Variants in CHCHD5 observed in about 807,000 individuals in gnomAD.
CHCHD5 encodes the protein coiled-coil-helix-coiled-coil-helix domain containing 5, also known as coiled-coil-helix-coiled-coil-helix domain-containing protein 5.
Under a neutral mutation model 16.0 loss-of-function variants are expected in CHCHD5, and 10 were observed. The observed-to-expected ratio is 0.63, with a 90% CI of 0.39 to 1.06. CHCHD5 has a LOEUF of 1.06. CHCHD5 is among the 50% of genes least tolerant of loss of function. CHCHD5 has a pLI of 0.01. For missense variants in CHCHD5, 163 were observed against 153.4 expected, an observed-to-expected ratio of 1.06 and a Z score of -0.33; for synonymous variants, 55 against 56.3, an observed-to-expected ratio of 0.98 and a Z score of 0.10.
chr2:112,585,585 T>C (rs1685185385), intron 1 of CHCHD5, among the ~76,000 whole-genome samples: 3 of 152,194 alleles, frequency 2.0e-5, no homozygotes, highest in African/African-American at 4.8e-5. Context: ...CTCCTAGTCC[T>C]ACTTCAGACC....
Position 112,584,879 on chromosome 2 carries a change from C to T in CHCHD5, c.2+230C>T, listed in dbSNP as rs947917441. On this transcript the variant is annotated intron_variant, in intron 1 of 3. Transcript: ENST00000324913. ...CTCTCGCGCTGCTTAGGACTTCGGT[C>T]CAGTCACTCTTCACCCAATCTCTGC... The T allele has an allele frequency of 1.7e-5, 10 of 588,646 alleles. 1 individual carries two copies. In the South Asian group the frequency reaches 2.1e-4, roughly 12 times the overall value. 36.5% of individuals were successfully genotyped at this position (588,646 alleles called of 1,614,324 possible).
At position 112,584,832 on chromosome 2, in the gene CHCHD5, C is replaced by T. The variant is rs1685157002; in HGVS notation, c.2+183C>T. The T allele has an allele frequency of 1.9e-5, 13 of 692,836 alleles. 1 individual carries two copies. In the South Asian group the frequency reaches 2.3e-4, roughly 12 times the overall value. 42.9% of individuals were successfully genotyped at this position (692,836 alleles called of 1,614,324 possible). On this transcript the variant is annotated intron_variant, in intron 1 of 3. Transcript: ENST00000324913. ...CCTCCGCATGCCCAAGCCCCGCCCT[C>T]TAAGCGTTTAGGCCTCGCCCCCTCT...
At chr2:112,584,535 G>T, upstream of CHCHD5, 1 of 1,375,954 alleles carries the variant, frequency 7.3e-7, no homozygotes, top group Non-Finnish European at 1.0e-6. Context: ...GGGGTTGTTA[G>T]TTCAATTGGC....
chr2:112,586,237 C>T lies in CHCHD5; in HGVS notation c.181C>T (p.Pro61Ser). 9 of 1,613,490 alleles carry T rather than the reference C, an allele frequency of 5.6e-6. No individual in the cohort carries two copies. The highest frequency in any genetic ancestry group is 6.8e-6 in the Non-Finnish European group (8 of 1,179,400). The change falls in exon 3 of 4, where the codon CCT becomes TCT. Residue 61 changes from proline to serine, a missense_variant. By Grantham distance (74) the Pro-to-Ser change is moderately conservative. Coordinates refer to ENST00000324913, the MANE Select transcript of CHCHD5 (RefSeq NM_032309.4). ...CCAGATCCGCCAGGCCTGTGCTCAG[C>T]CTTTTGAGGCCTTCGAGGAGTGTCT... ...IRQIRQACAQ[P>S]FEAFEECLRQ...
chr2:112,584,660 A>T lies in CHCHD5; in HGVS notation c.2+11A>T. On this transcript the variant is annotated intron_variant, in intron 1 of 3. Transcript: ENST00000324913. ...CAAAGGTCTCGAGATGTGAGTAGTGAGAGCGCCTACCCCATACGTGCTGCC... is the reference window on the plus strand; with the variant it reads ...CAAAGGTCTCGAGATGTGAGTAGTGTGAGCGCCTACCCCATACGTGCTGCC... The T allele has an allele frequency of 1.2e-6, 2 of 1,613,852 alleles. No individual in the cohort carries two copies. Among genetic ancestry groups the T allele is most frequent in the Non-Finnish European group, 1.7e-6 (2 of 1,179,888 alleles).
chr2:112,586,967 C>T (rs1330906614), intron 3 of CHCHD5: 2 of 171,104 alleles, frequency 1.2e-5, no homozygotes, highest in Admixed American at 1.1e-4. Flanking sequence ...AAAATGACTC[C>T]TTGAGGAGAG....
intron 1 of CHCHD5, 169 bp downstream of exon 1, chr2:112,584,818 C>T (rs1366587638): frequency 2.7e-6 from 2 of 744,996 alleles, no homozygotes; most frequent in Non-Finnish European, 4.5e-6. Flanking sequence ...CTCCGCATGC[C>T]CAAGCCCCGC....
Position 112,584,667 on chromosome 2 carries a change from C to T in CHCHD5, c.2+18C>T. ...CTCGAGATGTGAGTAGTGAGAGCGC[C>T]TACCCCATACGTGCTGCCGCTCCCC... is the stretch of plus-strand genomic sequence containing the variant. On this transcript the variant is annotated intron_variant, in intron 1 of 3. Coordinates refer to ENST00000324913, the MANE Select transcript of CHCHD5 (RefSeq NM_032309.4). 3 of 1,613,952 alleles carry T rather than the reference C, an allele frequency of 1.9e-6. No individual in the cohort carries two copies. Among genetic ancestry groups the T allele is most frequent in the Non-Finnish European group, 2.5e-6 (3 of 1,179,872 alleles).
chr2:112,584,656 A>C lies in CHCHD5; in HGVS notation c.2+7A>C. The C allele has an allele frequency of 6.2e-7, 1 of 1,613,844 alleles. No homozygotes were observed. The highest frequency in any genetic ancestry group is 8.5e-7 in the Non-Finnish European group (1 of 1,179,922). Reference sequence around the variant, plus strand: ...CCGGCAAAGGTCTCGAGATGTGAGTAGTGAGAGCGCCTACCCCATACGTGC... The same window carrying C: ...CCGGCAAAGGTCTCGAGATGTGAGTCGTGAGAGCGCCTACCCCATACGTGC... On this transcript the variant is annotated splice_region_variant and intron_variant, in intron 1 of 3. Coordinates refer to ENST00000324913, the MANE Select transcript of CHCHD5 (RefSeq NM_032309.4).
intron 3 of CHCHD5, 32 bp from the exon 4 acceptor site, chr2:112,588,834 T>C (rs768971304): frequency 6.3e-7 from 1 of 1,588,846 alleles, no homozygotes; most frequent in South Asian, 1.1e-5. Flanking sequence ...ACAGAGGAGG[T>C]GCTACTAGAT....
Position 112,586,045 on chromosome 2 carries a change from C to A in CHCHD5, c.74C>A (p.Ala25Asp). The change falls in exon 2 of 4, where the codon GCC (alanine) becomes GAC (aspartate). Residue 25 changes from alanine (A) to aspartate (D), a missense_variant. Transcript: ENST00000324913. ...ELEQYGQCVAAKPESWQRDCH... is the reference protein window; with the variant it reads ...ELEQYGQCVADKPESWQRDCH... ...GAGCAGTATGGCCAGTGTGTGGCGGCCAAGCCGGAATCCTGGCAGCGGGAC... is the reference window on the plus strand; with the variant it reads ...GAGCAGTATGGCCAGTGTGTGGCGGACAAGCCGGAATCCTGGCAGCGGGAC... 1 of 1,614,242 alleles carries A rather than the reference C, an allele frequency of 6.2e-7. No individual in the cohort carries two copies. Among genetic ancestry groups the A allele is most frequent in the Middle Eastern group, 1.6e-4 (1 of 6,062 alleles).
At position 112,586,274 on chromosome 2, in the gene CHCHD5, A is replaced by G; in HGVS notation, c.218A>G (p.Glu73Gly). 6.2e-7 allele frequency: 1 copy of G among 1,614,210 alleles called. No homozygotes were observed. The highest frequency in any genetic ancestry group is 8.5e-7 in the Non-Finnish European group (1 of 1,180,030). ...TTCGAGGAGTGTCTTCGACAGAACG[A>G]GGCAGCTGTGGGCAACTGTGCAGAG... The part of the protein sequence containing the change: ...EAFEECLRQN[E>G]AAVGNCAEHM... Residue 73 changes from glutamate (E) to glycine (G), a missense_variant, in exon 3 of 4, where the codon GAG becomes GGG. Coordinates refer to ENST00000324913, the MANE Select transcript of CHCHD5 (RefSeq NM_032309.4).
intron 1 of CHCHD5, among the ~76,000 whole-genome samples, chr2:112,585,230 T>G (rs554488976): frequency 7.9e-5 from 12 of 152,242 alleles, no homozygotes; most frequent in African/African-American, 2.6e-4. Context: ...GCTAAGACAC[T>G]CTTCCCCAGG....
chr2:112,585,129 G>T (rs1685169366), intron 1 of CHCHD5, among the ~76,000 whole-genome samples: 1 of 152,140 alleles, frequency 6.6e-6, no homozygotes, highest in Non-Finnish European at 1.5e-5. Flanking sequence ...GATTCCCAGA[G>T]CACCAACCTC....
At chr2:112,588,827 G>T in intron 3 of CHCHD5, 39 bp from the exon 4 acceptor site, 1 of 1,576,656 alleles carries the variant, frequency 6.3e-7, no homozygotes. Context: ...GCTGGGCACA[G>T]AGGAGGTGCT....
chr2:112,587,024 C>G (rs1030371188), intron 3 of CHCHD5: 2 of 160,622 alleles, frequency 1.2e-5, no homozygotes, highest in African/African-American at 4.8e-5. Flanking sequence ...ATGTTTACTA[C>G]CCTCCTCACT....
Position 112,586,107 on chromosome 2 carries a change from T to A in CHCHD5, c.136T>A (p.Ser46Thr), listed in dbSNP as rs750317614. 1 of 1,602,826 alleles carries A rather than the reference T, an allele frequency of 6.2e-7. No individual in the cohort carries two copies. The highest frequency in any genetic ancestry group is 8.5e-7 in the Non-Finnish European group (1 of 1,174,620). ...TAAGATGAGCATTGCCCAGTGCACA[T>A]CCTCCCAGTGAGTGCGGGCAAGTAT... ...YLKMSIAQCT[S>T]SHPIIRQIRQ... is the part of the protein sequence containing the mutation. Residue 46 changes from serine (S) to threonine (T), a missense_variant, in exon 2 of 4, where the codon TCC becomes ACC. Ser to Thr is a moderately conservative substitution (Grantham distance 58). Coordinates refer to ENST00000324913, the MANE Select transcript of CHCHD5 (RefSeq NM_032309.4).
At position 112,586,218 on chromosome 2, in the gene CHCHD5, C is replaced by G. The variant is rs1245538415; in HGVS notation, c.162C>G (p.Ile54Met). 6.2e-7 allele frequency: 1 copy of G among 1,609,934 alleles called. No homozygotes were observed. The highest frequency in any genetic ancestry group is 8.5e-7 in the Non-Finnish European group (1 of 1,176,518). The change falls in exon 3 of 4, where the codon ATC becomes ATG. Residue 54 changes from isoleucine (I) to methionine (M), a missense_variant. By Grantham distance (10) the Ile-to-Met change is conservative (BLOSUM62 1). Transcript: ENST00000324913. ...CCCACAGCCCAATCATCCGCCAGAT[C>G]CGCCAGGCCTGTGCTCAGCCTTTTG... Reference protein sequence around the residue: ...CTSSHPIIRQIRQACAQPFEA... With the variant: ...CTSSHPIIRQMRQACAQPFEA...
chr2:112,586,811 A>C, intron 3 of CHCHD5: 2 of 483,128 alleles, frequency 4.1e-6, no homozygotes, highest in South Asian at 3.7e-5. Flanking sequence ...CTTCTTTCTC[A>C]CTACTCCTCA....
Sources: gnomAD v4.1 joint callset for allele counts (sites outside exome capture counted in the v4.1 genomes callset) on GRCh38, gnomAD v4.1.1 for gene constraint, MANE v1.5 for transcripts, NCBI Gene and HGNC (gene_info 2026-07-23, HGNC 2026-07-21) for gene names.